TP63: variants seen among roughly 807,000 people sequenced by gnomAD.
The protein encoded by TP63 is tumor protein p63.
TP63 carries 17 observed loss-of-function variants against 82.8 expected under a neutral mutation model. The observed-to-expected ratio is 0.21, with a 90% CI of 0.14 to 0.31. TP63 has a LOEUF of 0.31. Ranked by LOEUF, TP63 falls within the 10% of genes least tolerant of loss-of-function variation. TP63 has a pLI of 1.00. For missense variants in TP63, 648 were observed against 895.3 expected (o/e 0.72, Z 3.52); for synonymous variants, 330 against 321.7 (o/e 1.03, Z -0.28).
the TP63 span, among the ~76,000 whole-genome samples, chr3:189,599,980 A>G: frequency 6.6e-6 from 1 of 152,240 alleles, no homozygotes; most frequent in Non-Finnish European, 1.5e-5. Flanking sequence ...TTACAAGAAT[A>G]AATTTTTGTA....
rs1317783097 is a variant in TP63 at position 189,777,822 on chromosome 3, GTCT to G, written c.325-30427_325-30425del. On this transcript the variant is annotated intron_variant, in intron 3 of 13. Transcript: ENST00000264731. The stretch of plus-strand genomic sequence containing the variant: ...GAGGAAGTCTTTGGACAGATGCTGA[GTCT>G]TCTTCTTCTTCTTCTTCTTCTTTTT... 6.4e-3 allele frequency among the ~76,000 whole-genome samples: 660 copies of G among 103,090 alleles called. 21 individuals carry two copies. The highest frequency in any genetic ancestry group is 0.025 in the African/African-American group (616 of 24,504). 67.6% of individuals were successfully genotyped at this position (103,090 alleles called of 152,430 possible). A position where few individuals can be genotyped will look rare whatever the true frequency, so the allele number is the denominator to read the frequency against.
chr3:189,683,987 G>T (rs17505102), intron 1 of TP63, among the ~76,000 whole-genome samples: 1 of 152,038 alleles, frequency 6.6e-6, no homozygotes, highest in African/African-American at 2.4e-5. Flanking sequence ...ATTACACCCT[G>T]GACATCTGCA....
the TP63 span, among the ~76,000 whole-genome samples, chr3:189,606,823 A>G: frequency 6.6e-6 from 1 of 151,744 alleles, no homozygotes; most frequent in Non-Finnish European, 1.5e-5. Context: ...CCCCGCAATG[A>G]TCTCTTAATA....
intron 1 of TP63, among the ~76,000 whole-genome samples, chr3:189,716,515 A>G (rs1718970891): frequency 6.6e-6 from 1 of 152,172 alleles, no homozygotes; most frequent in African/African-American, 2.4e-5. Context: ...CAGTCCCAAC[A>G]TTGGAATGGT....
At chr3:189,816,977 T>C (rs1269989468) in intron 4 of TP63, among the ~76,000 whole-genome samples, 1 of 149,926 alleles carries the variant, frequency 6.7e-6, no homozygotes, top group Non-Finnish European at 1.5e-5. Context: ...CATTTTAGTC[T>C]GAATTTAATA....
At chr3:189,871,309 A>G (rs1718392116) in intron 9 of TP63, among the ~76,000 whole-genome samples, 1 of 152,278 alleles carries the variant, frequency 6.6e-6, no homozygotes, top group South Asian at 2.1e-4. Flanking sequence ...GTAGGATACA[A>G]TTCTTACTTT....
chr3:189,724,915 A>G (rs1258903654), intron 1 of TP63, among the ~76,000 whole-genome samples: 5 of 152,222 alleles, frequency 3.3e-5, no homozygotes, highest in African/African-American at 1.2e-4. Context: ...ACATGTAAAT[A>G]TATAACACAG....
chr3:189,663,518 A>ATTATTT, intron 1 of TP63, among the ~76,000 whole-genome samples: 1 of 85,480 alleles, frequency 1.2e-5, no homozygotes, highest in Admixed American at 1.7e-4. Context: ...TATTTCATTC[A>ATTATTT]TTCTTTTTTT....
intron 4 of TP63, among the ~76,000 whole-genome samples, chr3:189,846,900 C>G (rs1705566778): frequency 6.6e-6 from 1 of 150,568 alleles, no homozygotes; most frequent in Admixed American, 6.6e-5. Context: ...CCAGGCTGGT[C>G]TCGAACTGCT....
chr3:189,866,918 C>T (rs1717800546), intron 6 of TP63, 121 bp downstream of exon 6: 1 of 822,652 alleles, frequency 1.2e-6, no homozygotes, highest in Non-Finnish European at 2.0e-6. Flanking sequence ...TTCTTGTCAT[C>T]AAATATATAA....
intron 3 of TP63, among the ~76,000 whole-genome samples, chr3:189,765,434 T>TG (rs1553833061): frequency 1.7e-5 from 1 of 58,622 alleles, no homozygotes; most frequent in Non-Finnish European, 3.1e-5. Context: ...TGTCCTCTGC[T>TG]TTTTTTTTTT....
intron 3 of TP63, among the ~76,000 whole-genome samples, chr3:189,798,681 T>C (rs1393140778): frequency 6.6e-6 from 1 of 152,134 alleles, no homozygotes; most frequent in Non-Finnish European, 1.5e-5. Flanking sequence ...TCTCTCCTTT[T>C]AATTCTCTAT....
chr3:189,810,727 G>T (rs1177252624), intron 4 of TP63, among the ~76,000 whole-genome samples: 2 of 151,838 alleles, frequency 1.3e-5, no homozygotes, highest in East Asian at 1.9e-4. Flanking sequence ...GTGGTGGTGG[G>T]TGCCTGTAGT....
chr3:189,784,815 A>G (rs1724477213), intron 3 of TP63, among the ~76,000 whole-genome samples: 1 of 152,066 alleles, frequency 6.6e-6, no homozygotes, highest in Admixed American at 6.6e-5. Context: ...GAACTAATTC[A>G]GTGGCCTTCA....
chr3:189,850,169 CT>C (rs139781612), intron 4 of TP63, among the ~76,000 whole-genome samples: 18,166 of 152,008 alleles, frequency 0.12, 1,210 homozygotes, highest in Middle Eastern at 0.18. Flanking sequence ...GTAGTCCCAG[CT>C]GTTTGGGAGG....
At chr3:189,730,491 A>T (rs1466354937) in intron 1 of TP63, among the ~76,000 whole-genome samples, 1 of 152,230 alleles carries the variant, frequency 6.6e-6, no homozygotes, top group Non-Finnish European at 1.5e-5. Flanking sequence ...GGTGAATGAA[A>T]ATAAGGAGCC....
intron 1 of TP63, among the ~76,000 whole-genome samples, chr3:189,642,901 A>C (rs185017051): frequency 6.6e-4 from 100 of 152,298 alleles, no homozygotes; most frequent in Admixed American, 1.4e-3. Context: ...TTAACATTCT[A>C]GAAAAATGGT....
intron 4 of TP63, among the ~76,000 whole-genome samples, chr3:189,809,120 A>G (rs1292313306): frequency 2.0e-5 from 3 of 152,054 alleles, no homozygotes; most frequent in South Asian, 2.1e-4. Flanking sequence ...ATTGATATGT[A>G]TATATTTATT....
chr3:189,624,020 C>A, the TP63 span, among the ~76,000 whole-genome samples: 1 of 152,122 alleles, frequency 6.6e-6, no homozygotes, highest in Non-Finnish European at 1.5e-5. Context: ...TGGAACTTCA[C>A]ATTATACAGT....
Sources: allele counts gnomAD v4.1 joint callset (sites outside exome capture counted in the v4.1 genomes callset), GRCh38; gene constraint gnomAD v4.1.1; transcripts MANE v1.5; gene names NCBI Gene and HGNC (gene_info 2026-07-23, HGNC 2026-07-21).